The following PCDHGA9 variants were observed in gnomAD, a reference collection of about 807,000 sequenced individuals.
The protein encoded by PCDHGA9 is protocadherin gamma-A9.
Under a neutral mutation model 62.5 loss-of-function variants are expected in PCDHGA9, and 37 were observed. The observed-to-expected ratio is 0.59, with a 90% CI of 0.46 to 0.78. PCDHGA9 has a LOEUF of 0.78. Ranked by LOEUF, PCDHGA9 falls within the 30% of genes least tolerant of loss-of-function variation. PCDHGA9 has a pLI of 0.00. For missense variants in PCDHGA9, 1,138 were observed against 1,166.2 expected, an observed-to-expected ratio of 0.98 and a Z score of 0.35; for synonymous variants, 459 against 484.6, an observed-to-expected ratio of 0.95 and a Z score of 0.69.
Position 141,432,488 on chromosome 5 carries a change from C to G in PCDHGA9, c.2424+27112C>G. 6.2e-7 allele frequency: 1 copy of G among 1,614,202 alleles called. No homozygotes were observed. Among genetic ancestry groups the G allele is most frequent in the Non-Finnish European group, 8.5e-7 (1 of 1,180,048 alleles). On this transcript the variant is annotated intron_variant, in intron 1 of 3. Coordinates refer to ENST00000573521, the MANE Select transcript of PCDHGA9 (RefSeq NM_018921.3). This position sits in a 1 kb window ranked among gnomAD's most constrained non-coding sequence, Gnocchi z 6.0. ...CACGGACGGTTCCACTGGCGTGGAGCTGGCTCCCCGCTCCGCAGAGCCCGG... is the reference window on the plus strand; with the variant it reads ...CACGGACGGTTCCACTGGCGTGGAGGTGGCTCCCCGCTCCGCAGAGCCCGG...
chr5:141,418,748 A>G, intron 1 of PCDHGA9: 7 of 1,613,954 alleles, frequency 4.3e-6, no homozygotes, highest in East Asian at 2.2e-5. Context: ...TCTGGATTAC[A>G]CTACAGGAAA....
Position 141,476,036 on chromosome 5 carries a change from A to T in PCDHGA9, c.2425-18771A>T. ...ATGTCGGACTCGGCGCCCAGCGCCC[A>T]AGCGCTAACCCGCTGAAAGTTTCTC... On this transcript the variant is annotated intron_variant, in intron 1 of 3. Coordinates refer to ENST00000573521, the MANE Select transcript of PCDHGA9 (RefSeq NM_018921.3). This position sits in a 1 kb window ranked among gnomAD's most constrained non-coding sequence, Gnocchi z 7.6. 1.4e-6 allele frequency: 2 copies of T among 1,471,164 alleles called. No individual in the cohort carries two copies. The highest frequency in any genetic ancestry group is 1.8e-6 in the Non-Finnish European group (2 of 1,106,602). 91.1% of individuals were successfully genotyped at this position (1,471,164 alleles called of 1,614,324 possible).
At chr5:141,478,295 T>C (rs1210224121) in intron 1 of PCDHGA9, 5 of 1,614,004 alleles carry the variant, frequency 3.1e-6, no homozygotes, top group African/African-American at 2.7e-5. Flanking sequence ...TAGAGACCTA[T>C]ACCGAGCCCC....
chr5:141,450,569 T>G (rs1325535745), intron 1 of PCDHGA9, among the ~76,000 whole-genome samples: 1 of 149,800 alleles, frequency 6.7e-6, no homozygotes, highest in African/African-American at 2.5e-5. Flanking sequence ...TCACTGCAAC[T>G]TCTGCCTCCC....
At chr5:141,494,889 A>G (rs2099757275) in intron 2 of PCDHGA9, 24 bp downstream of exon 2, 1 of 1,613,844 alleles carries the variant, frequency 6.2e-7, no homozygotes, top group Admixed American at 1.7e-5. Context: ...TCTCCAGCCC[A>G]CCCTCTTCTC....
In PCDHGA9 at chr5:141,404,901, G is replaced by A; in HGVS notation, c.1949G>A (p.Gly650Asp). ...QSLVVAVQDH[G>D]QPPLSATVTL... ...CTTGTGGTGGCTGTACAGGACCATG[G>A]CCAGCCCCCTCTCTCGGCCACTGTC... Residue 650 changes from glycine (G) to aspartate (D), a missense_variant, in exon 1 of 4, where the codon GGC (glycine) becomes GAC (aspartate). By Grantham distance (94) the Gly-to-Asp change is moderately conservative. Coordinates refer to ENST00000573521, the MANE Select transcript of PCDHGA9 (RefSeq NM_018921.3). 6.2e-7 allele frequency: 1 copy of A among 1,613,848 alleles called. No individual in the cohort carries two copies. Among genetic ancestry groups the A allele is most frequent in the African/African-American group, 1.3e-5 (1 of 75,036 alleles).
intron 1 of PCDHGA9, chr5:141,413,201 A>G (rs746209535): frequency 1.9e-6 from 3 of 1,611,954 alleles, no homozygotes; most frequent in Non-Finnish European, 2.5e-6. Context: ...AATCGCTCAA[A>G]GGAATCAAAG....
At chr5:141,448,542 T>G (rs2098594694) in intron 1 of PCDHGA9, among the ~76,000 whole-genome samples, 1 of 152,210 alleles carries the variant, frequency 6.6e-6, no homozygotes, top group Non-Finnish European at 1.5e-5. Flanking sequence ...GCATTTCTTA[T>G]GCAAATATGT....
chr5:141,442,716 G>A (rs1367250926), intron 1 of PCDHGA9, among the ~76,000 whole-genome samples: 1 of 152,206 alleles, frequency 6.6e-6, no homozygotes, highest in East Asian at 1.9e-4. Context: ...ACATGCCAGA[G>A]CATTTGGGGC....
intron 1 of PCDHGA9, among the ~76,000 whole-genome samples, chr5:141,458,871 T>C (rs2098955493): frequency 6.6e-6 from 1 of 152,210 alleles, no homozygotes; most frequent in African/African-American, 2.4e-5. Flanking sequence ...TAGCTGGGAC[T>C]ACAGGCATGC....
In PCDHGA9 at chr5:141,403,759, G is replaced by A. The variant is rs900084263; in HGVS notation, c.807G>A (p.Leu269=). 2 of 1,613,794 alleles carry A rather than the reference G, an allele frequency of 1.2e-6. No individual in the cohort carries two copies. The highest frequency in any genetic ancestry group is 1.7e-6 in the Non-Finnish European group (2 of 1,179,906). ...TWLLTATASD[L]DEGINGKVAY... is the part of the protein sequence containing the mutation. ...TGCTTACTGCAACAGCCAGCGACCT[G>A]GATGAGGGAATCAACGGAAAAGTGG... Residue 269 remains leucine (L), a synonymous_variant, in exon 1 of 4, where the codon CTG becomes CTA. Coordinates refer to ENST00000573521, the MANE Select transcript of PCDHGA9 (RefSeq NM_018921.3).
intron 1 of PCDHGA9, among the ~76,000 whole-genome samples, chr5:141,457,253 T>C (rs986838327): frequency 1.4e-4 from 22 of 152,196 alleles, no homozygotes; most frequent in Admixed American, 1.4e-3. Flanking sequence ...CTTGCCAACA[T>C]ATAGAATTCC....
intron 1 of PCDHGA9, among the ~76,000 whole-genome samples, chr5:141,492,226 C>T (rs1365682179): frequency 6.6e-6 from 1 of 152,178 alleles, no homozygotes; most frequent in Non-Finnish European, 1.5e-5. Flanking sequence ...CATGCGTGTC[C>T]TCCCTGCTGG....
In PCDHGA9 at chr5:141,404,849, C is replaced by G; in HGVS notation, c.1897C>G (p.Leu633Val). ...TGEVRTARAL[L>V]DRDALKQSLV... ...TGAAGTGCGCACAGCTCGGGCCCTG[C>G]TAGATAGAGATGCGCTCAAACAGAG... The change falls in exon 1 of 4, where the codon CTA (leucine) becomes GTA (valine). Residue 633 changes from leucine to valine, a missense_variant. Coordinates refer to ENST00000573521, the MANE Select transcript of PCDHGA9 (RefSeq NM_018921.3). 1 of 1,613,862 alleles carries G rather than the reference C, an allele frequency of 6.2e-7. No homozygotes were observed. Among genetic ancestry groups the G allele is most frequent in the Non-Finnish European group, 8.5e-7 (1 of 1,179,894 alleles).
chr5:141,491,390 T>G lies in PCDHGA9; in HGVS notation c.2425-3417T>G. 1 of 1,614,130 alleles carries G rather than the reference T, an allele frequency of 6.2e-7. No individual in the cohort carries two copies. Among genetic ancestry groups the G allele is most frequent in the Admixed American group, 1.7e-5 (1 of 60,028 alleles). ...TTCACCTTTCTGTCAGCGAAGTGCC[T>G]TCAGGGAAACGCAGACGGGGACGGG... On this transcript the variant is annotated intron_variant, in intron 1 of 3. Transcript: ENST00000573521. The surrounding 1 kb of genome is among the most constrained non-coding windows in gnomAD (Gnocchi z 6.9).
At chr5:141,482,530 C>CAAAAAAAAAAAA (rs3074545) in intron 1 of PCDHGA9, among the ~76,000 whole-genome samples, 11 of 76,552 alleles carry the variant, frequency 1.4e-4, no homozygotes, top group African/African-American at 2.9e-4. Flanking sequence ...GACAGACATG[C>CAAAAAAAAAAAA]AAAAAAAAAA....
chr5:141,499,174 C>T (rs930279867), intron 2 of PCDHGA9, among the ~76,000 whole-genome samples: 20 of 152,198 alleles, frequency 1.3e-4, no homozygotes, highest in Middle Eastern at 3.4e-3. Flanking sequence ...AGCTCTGAGC[C>T]CAGCAAACCA....
rs1190624035 is a variant in PCDHGA9, at chr5:141,432,332, T to G, written c.2424+26956T>G. ...GCTGAGCTCCTTCGACTACGAGCAG[T>G]TCCGAGACTTGCAAGTGAAAGTGAT... On this transcript the variant is annotated intron_variant, in intron 1 of 3. Coordinates refer to ENST00000573521, the MANE Select transcript of PCDHGA9 (RefSeq NM_018921.3). The surrounding 1 kb of genome is among the most constrained non-coding windows in gnomAD (Gnocchi z 6.0). The G allele has an allele frequency of 2.5e-6, 4 of 1,614,116 alleles. No homozygotes were observed. In the African/African-American group the frequency reaches 5.3e-5, roughly 22 times the overall value.
chr5:141,488,095 A>G (rs78361634), intron 1 of PCDHGA9, among the ~76,000 whole-genome samples: 8,142 of 152,146 alleles, frequency 0.054, 446 homozygotes, highest in African/African-American at 0.15. Flanking sequence ...CTGTGAAGGG[A>G]CCTCTCTATT....
Sources: gnomAD v4.1 joint callset for allele counts (sites outside exome capture counted in the v4.1 genomes callset) on GRCh38, gnomAD v4.1.1 for gene constraint, Gnocchi (gnomAD v3.1) non-coding constraint, MANE v1.5 for transcripts, NCBI Gene and HGNC (gene_info 2026-07-23, HGNC 2026-07-21) for gene names.